Variants in GABRA4 observed in about 807,000 individuals in gnomAD.
GABRA4 encodes gamma-aminobutyric acid type A receptor subunit alpha4.
GABRA4 carries 12 observed loss-of-function variants against 49.7 expected under a neutral mutation model. The ratio of observed to expected loss-of-function variants is 0.24; its 90% CI spans 0.15 to 0.39. GABRA4 has a LOEUF of 0.39. GABRA4 is among the 10% of genes least tolerant of loss of function. The probability of loss-of-function intolerance (pLI) is 1.00; values close to 1 mark genes in which losing one functional copy is unlikely to be tolerated. For synonymous variants in GABRA4, 288 were observed against 240.2 expected (o/e 1.20, Z -1.84); for missense variants, 506 against 686.0 (o/e 0.74, Z 2.93).
At chr4:46,958,071 T>C (rs1389065367) in intron 8 of GABRA4, among the ~76,000 whole-genome samples, 3 of 151,988 alleles carry the variant, frequency 2.0e-5, no homozygotes, top group African/African-American at 7.2e-5. Flanking sequence ...TACAGTTTAA[T>C]GTCTATTCTT....
rs1370003469 is a variant in GABRA4 at position 46,925,495 on chromosome 4, C to T, written c.*2730G>A. ...CTTTAAAAGAGTTATATAAAGGTAC[C>T]ATTCTCAGCCAAAATTATTCATTAT... On this transcript the variant is annotated 3_prime_UTR_variant, in exon 9 of 9. Transcript: ENST00000264318. 1.3e-5 allele frequency: 2 copies of T among 151,548 alleles called. No individual in the cohort carries two copies. The highest frequency in any genetic ancestry group is 2.4e-5 in the African/African-American group (1 of 41,342). The allele number at this position is 151,548 out of a possible 1,614,324, so 9.4% of individuals were successfully genotyped here.
intron 5 of GABRA4, among the ~76,000 whole-genome samples, chr4:46,975,221 A>G (rs868050135): frequency 3.3e-5 from 5 of 152,024 alleles, no homozygotes; most frequent in Admixed American, 2.6e-4. Context: ...TGGCTATAGC[A>G]TAGTAGGTCC....
At chr4:46,956,200 C>T (rs764863232) in intron 8 of GABRA4, among the ~76,000 whole-genome samples, 2 of 151,940 alleles carry the variant, frequency 1.3e-5, no homozygotes, top group African/African-American at 2.4e-5. Context: ...TGGGGAGGTA[C>T]TTATTTATAT....
intron 6 of GABRA4, among the ~76,000 whole-genome samples, chr4:46,973,155 G>T (rs1416322116): frequency 6.6e-6 from 1 of 151,720 alleles, no homozygotes; most frequent in East Asian, 1.9e-4. Context: ...TAATTTAGAA[G>T]GGTGCCCATC....
In GABRA4 at chr4:46,920,338, A is replaced by G. The variant is rs946295754; in HGVS notation, c.*7887T>C. 2 of 151,712 alleles carry G rather than the reference A, an allele frequency of 1.3e-5. No homozygotes were observed. The highest frequency in any genetic ancestry group is 4.8e-5 in the African/African-American group (2 of 41,426). The allele number at this position is 151,712 out of a possible 1,614,324, so 9.4% of individuals were successfully genotyped here. ...TATTGCCAACAACATAACTTTGTTC[A>G]GGTATTTGCCAGTCTCCTTTAATGG... On this transcript the variant is annotated 3_prime_UTR_variant, in exon 9 of 9. Coordinates refer to ENST00000264318, the MANE Select transcript of GABRA4 (RefSeq NM_000809.4).
intron 2 of GABRA4, among the ~76,000 whole-genome samples, chr4:46,983,653 T>C (rs1723434928): frequency 6.6e-6 from 1 of 152,112 alleles, no homozygotes. Flanking sequence ...CAGTTGTCAA[T>C]GAATAATGGT....
chr4:46,976,912 T>C, intron 5 of GABRA4, 149 bp downstream of exon 5: 1 of 538,594 alleles, frequency 1.9e-6, no homozygotes, highest in Non-Finnish European at 3.4e-6. Context: ...TATAAAATAT[T>C]AGTTAATGAA....
At position 46,924,498 on chromosome 4, in the gene GABRA4, T is replaced by A. The variant is rs1206934639; in HGVS notation, c.*3727A>T. On this transcript the variant is annotated 3_prime_UTR_variant, in exon 9 of 9. Transcript: ENST00000264318. ...AAGGGGCTATTTTTATCTCTGTATA[T>A]CTAAAAATCAGCACAGTACCCAAAC... 1.3e-5 allele frequency: 2 copies of A among 151,984 alleles called. No homozygotes were observed. The highest frequency in any genetic ancestry group is 2.9e-5 in the Non-Finnish European group (2 of 67,942). 9.4% of individuals were successfully genotyped at this position (151,984 alleles called of 1,614,324 possible). A position where few individuals can be genotyped will look rare whatever the true frequency, so the allele number is the denominator to read the frequency against.
chr4:46,958,369 A>G (rs567500843), intron 8 of GABRA4, among the ~76,000 whole-genome samples: 1 of 152,102 alleles, frequency 6.6e-6, no homozygotes, highest in Non-Finnish European at 1.5e-5. Context: ...GTGTGCATAT[A>G]TTAATGCATA....
chr4:46,933,022 C>T (rs1031769907), intron 8 of GABRA4, among the ~76,000 whole-genome samples: 1 of 151,702 alleles, frequency 6.6e-6, no homozygotes, highest in Non-Finnish European at 1.5e-5. Flanking sequence ...AGAGTCTAAG[C>T]AAAAATAAAA....
chr4:46,973,946 C>A lies in GABRA4; in HGVS notation c.721+286G>T, dbSNP rs185484093. Among the ~76,000 whole-genome samples, 3 of 151,872 alleles carry A rather than the reference C, an allele frequency of 2.0e-5. No individual in the cohort carries two copies. In the East Asian group the frequency reaches 5.8e-4, roughly 30 times the overall value. On this transcript the variant is annotated intron_variant, in intron 6 of 8. Transcript: ENST00000264318. The stretch of plus-strand genomic sequence containing the variant: ...ACAAAAAACAAGATCAGACTTCCTA[C>A]CACATAATTTTGTGAAAATAATTTT...
chr4:46,919,770 A>C lies in GABRA4; in HGVS notation c.*8455T>G, dbSNP rs1172470633. ...TTCTGGAGTTTTCAACATTTTCAGA[A>C]TCAAAGTAATTATCAGGGGATTTCC... On this transcript the variant is annotated 3_prime_UTR_variant, in exon 9 of 9. Coordinates refer to ENST00000264318, the MANE Select transcript of GABRA4 (RefSeq NM_000809.4). 1 of 151,690 alleles carries C rather than the reference A, an allele frequency of 6.6e-6. No homozygotes were observed. Among genetic ancestry groups the C allele is most frequent in the Non-Finnish European group, 1.5e-5 (1 of 67,656 alleles). 9.4% of individuals were successfully genotyped at this position (151,690 alleles called of 1,614,324 possible). A position where few individuals can be genotyped will look rare whatever the true frequency, so the allele number is the denominator to read the frequency against.
intron 8 of GABRA4, among the ~76,000 whole-genome samples, chr4:46,934,340 A>C (rs1483625667): frequency 1.3e-5 from 2 of 152,210 alleles, no homozygotes; most frequent in African/African-American, 4.8e-5. Flanking sequence ...AGCAGCTAGA[A>C]CTAAACTCCA....
chr4:46,974,169 T>A, intron 6 of GABRA4, 63 bp downstream of exon 6: 2 of 1,504,592 alleles, frequency 1.3e-6, no homozygotes, highest in Middle Eastern at 1.8e-4. Context: ...AATGAAAAAG[T>A]CAGGAGAAAA....
chr4:46,979,139 C>T, intron 2 of GABRA4, 41 bp from the exon 3 acceptor site: 1 of 1,240,132 alleles, frequency 8.1e-7, no homozygotes, highest in Non-Finnish European at 1.2e-6. Context: ...AAATAATTAC[C>T]AATTTTACAG....
At chr4:46,961,402 C>A (rs1577772455) in intron 8 of GABRA4, among the ~76,000 whole-genome samples, 1 of 151,966 alleles carries the variant, frequency 6.6e-6, no homozygotes, top group East Asian at 2.0e-4. Flanking sequence ...ATAGCCCTAT[C>A]ACTATCTAAC....
chr4:46,924,599 TA>T lies in GABRA4; in HGVS notation c.*3625del. 1 of 152,178 alleles carries T rather than the reference TA, an allele frequency of 6.6e-6. No homozygotes were observed. The highest frequency in any genetic ancestry group is 1.9e-4 in the East Asian group (1 of 5,176). 9.4% of individuals were successfully genotyped at this position (152,178 alleles called of 1,614,324 possible). Reference sequence around the variant, plus strand: ...GAAATAGCCAATATTCTACTGTCTTTAAAGAATACAGTCTTCCCTGGGGAAG... The same window carrying T: ...GAAATAGCCAATATTCTACTGTCTTTAAGAATACAGTCTTCCCTGGGGAAG... On this transcript the variant is annotated 3_prime_UTR_variant, in exon 9 of 9. Transcript: ENST00000264318.
rs193171283 is a variant in GABRA4 at position 46,937,461 on chromosome 4, C to T, written c.1135-8706G>A. Reference sequence around the variant, plus strand: ...TTTTATAGGAAAAAAACCACCTCAACGTATCACTCTTTCTTCTTTCAGGTA... The same window carrying T: ...TTTTATAGGAAAAAAACCACCTCAATGTATCACTCTTTCTTCTTTCAGGTA... On this transcript the variant is annotated intron_variant, in intron 8 of 8. Coordinates refer to ENST00000264318, the MANE Select transcript of GABRA4 (RefSeq NM_000809.4). 5.9e-5 allele frequency among the ~76,000 whole-genome samples: 9 copies of T among 152,260 alleles called. No individual in the cohort carries two copies. In the East Asian group the frequency reaches 1.4e-3, roughly 23 times the overall value.
intron 8 of GABRA4, among the ~76,000 whole-genome samples, chr4:46,950,752 T>TTAATTA: frequency 2.0e-5 from 3 of 151,718 alleles, no homozygotes; most frequent in African/African-American, 2.4e-5. Context: ...AATAAATTAC[T>TTAATTA]ATATGCTTGT....
Sources: gnomAD v4.1 joint callset for allele counts (sites outside exome capture counted in the v4.1 genomes callset) on GRCh38, gnomAD v4.1.1 for gene constraint, MANE v1.5 for transcripts, NCBI Gene and HGNC (gene_info 2026-07-23, HGNC 2026-07-21) for gene names.